Variants in NLRP7 observed in about 807,000 individuals in gnomAD.
NLRP7 encodes NLR family pyrin domain containing 7.
In NLRP7, 72 loss-of-function variants were observed where a neutral mutation model predicts 85.5. The ratio of observed to expected loss-of-function variants is 0.84; its 90% CI spans 0.70 to 1.02. NLRP7 has a LOEUF of 1.02. Among genes scored for constraint, NLRP7 ranks in the 50% least tolerant of loss-of-function variants. NLRP7 has a pLI of 0.00. For synonymous variants in NLRP7, 550 were observed against 505.2 expected (o/e 1.09, Z -1.19); for missense variants, 1,243 against 1,219.5 (o/e 1.02, Z -0.29).
chr19:54,953,773 C>A (rs1427673924), intron 1 of NLRP7, among the ~76,000 whole-genome samples: 1 of 151,662 alleles, frequency 6.6e-6, no homozygotes, highest in Middle Eastern at 3.4e-3. Flanking sequence ...GGGGCTGAGG[C>A]GGGTGGATCA....
At chr19:54,948,553 AAAAT>A (rs2069568146), upstream of NLRP7, among the ~76,000 whole-genome samples, 1 of 152,106 alleles carries the variant, frequency 6.6e-6, no homozygotes, top group Non-Finnish European at 1.5e-5. Context: ...CAGTCTCAAA[AAAAT>A]AAATAGATAA....
At chr19:54,947,713 C>T (rs974950416), upstream of NLRP7, 66 of 1,174,808 alleles carry the variant, frequency 5.6e-5, no homozygotes, top group East Asian at 2.9e-4. Context: ...TGGAGAATTA[C>T]GGCTTGCTGA....
upstream of NLRP7, chr19:54,947,692 T>A (rs1216318483): frequency 1.6e-6 from 2 of 1,251,000 alleles, no homozygotes; most frequent in Admixed American, 2.3e-5. Flanking sequence ...TAATTGGGCT[T>A]CAGTGGGCTT....
At chr19:54,923,823 C>T in exon 10 of NLRP7, 1 of 1,614,038 alleles carries the variant, frequency 6.2e-7, no homozygotes, top group South Asian at 1.1e-5. Flanking sequence ...TTTTCTTTCA[C>T]TTCCTCCAAC....
chr19:54,959,729 G>A (rs2146284497), intron 1 of NLRP7, among the ~76,000 whole-genome samples: 1 of 151,830 alleles, frequency 6.6e-6, no homozygotes, highest in African/African-American at 2.4e-5. Flanking sequence ...ATTAGTGCTT[G>A]GAAAAAAAAA....
At position 54,934,093 on chromosome 19, in the gene NLRP7, A is replaced by G. The variant is rs560074080; in HGVS notation, c.2472-354T>C. On this transcript the variant is annotated intron_variant, in intron 7 of 9. Transcript: ENST00000340844. This position sits in a 1 kb window ranked among gnomAD's most constrained non-coding sequence, Gnocchi z 6.7. ...TGAGTAGCTGGGACTACAGGCGCCC[A>G]CCACACCTGGATAATTTTTTGTATT... is the stretch of plus-strand genomic sequence containing the variant. Among the ~76,000 whole-genome samples the G allele has an allele frequency of 2.6e-5, 4 of 152,180 alleles. No individual in the cohort carries two copies. Among genetic ancestry groups the G allele is most frequent in the South Asian group, 4.2e-4 (2 of 4,810 alleles).
chr19:54,961,602 C>T (rs937412523), intron 1 of NLRP7, among the ~76,000 whole-genome samples: 2 of 151,148 alleles, frequency 1.3e-5, no homozygotes, highest in Non-Finnish European at 3.0e-5. Flanking sequence ...TTTGGGAAGC[C>T]GAGGCAGGTG....
intron 8 of NLRP7, among the ~76,000 whole-genome samples, chr19:54,933,190 G>A (rs749546898): frequency 6.6e-6 from 1 of 152,062 alleles, no homozygotes; most frequent in African/African-American, 2.4e-5. Context: ...CTGTCGCCCA[G>A]GCTGGAGTGC....
chr19:54,951,281 T>C (rs2069659755), upstream of NLRP7, among the ~76,000 whole-genome samples: 1 of 152,130 alleles, frequency 6.6e-6, no homozygotes, highest in African/African-American at 2.4e-5. Flanking sequence ...GCACAGTGGC[T>C]CAGGCCTGTA....
exon 4 of NLRP7, chr19:54,939,961 C>T (rs1466043420): frequency 6.2e-7 from 1 of 1,614,060 alleles, no homozygotes; most frequent in Admixed American, 1.7e-5. Flanking sequence ...TCCTCTTCAG[C>T]AAACTCCCCA....
chr19:54,944,830 G>A (rs1401601773), intron 1 of NLRP7, among the ~76,000 whole-genome samples: 1 of 152,090 alleles, frequency 6.6e-6, no homozygotes, highest in African/African-American at 2.4e-5. Context: ...ACAGCATGGA[G>A]CGATGTTATA....
intron 5 of NLRP7, 33 bp downstream of exon 5, chr19:54,938,011 A>G (rs1396348632): frequency 3.9e-6 from 6 of 1,536,890 alleles, no homozygotes; most frequent in Non-Finnish European, 5.4e-6. Context: ...GTCATCGTTC[A>G]GGGTCTTCCT....
chr19:54,940,253 T>C, exon 4 of NLRP7: 1 of 1,614,194 alleles, frequency 6.2e-7, no homozygotes, highest in Non-Finnish European at 8.5e-7. Context: ...CATACACTTT[T>C]TGGCCAGCGT....
intron 8 of NLRP7, among the ~76,000 whole-genome samples, chr19:54,931,805 G>T (rs1199576748): frequency 6.6e-6 from 1 of 150,738 alleles, no homozygotes; most frequent in Admixed American, 6.6e-5. Flanking sequence ...AGCCAAGATC[G>T]CACCACTGCA....
intron 9 of NLRP7, among the ~76,000 whole-genome samples, chr19:54,924,351 G>A (rs1270570996): frequency 1.3e-5 from 2 of 152,198 alleles, no homozygotes; most frequent in Non-Finnish European, 2.9e-5. Flanking sequence ...GGCCAGGCAC[G>A]GTGTCTCGCA....
intron 9 of NLRP7, among the ~76,000 whole-genome samples, chr19:54,926,043 CA>C (rs1569538850): frequency 6.9e-6 from 1 of 145,956 alleles, no homozygotes; most frequent in African/African-American, 2.5e-5. Context: ...GACTCCGTCT[CA>C]AAAAAAAGAC....
Position 54,942,044 on chromosome 19 carries a change from G to A in NLRP7, c.-39-294C>T, listed in dbSNP as rs1230193228. 2.0e-5 allele frequency among the ~76,000 whole-genome samples: 3 copies of A among 151,928 alleles called. No homozygotes were observed. The East Asian group carries it at 5.9e-4, about 30-fold the overall frequency. On this transcript the variant is annotated intron_variant, in intron 1 of 9. Transcript: ENST00000340844. ...CGAGGCGGATGGATCACGATATCAG[G>A]AGATCGAGACCATCCTGGCTAACAC...
At chr19:54,938,326 A>C in intron 4 of NLRP7, 85 bp from the exon 5 acceptor site, 1 of 1,077,320 alleles carries the variant, frequency 9.3e-7, no homozygotes, top group Admixed American at 1.8e-5. Flanking sequence ...AATGGCAAAA[A>C]CCACAATTAC....
intron 5 of NLRP7, among the ~76,000 whole-genome samples, chr19:54,937,267 G>A (rs372853281): frequency 6.6e-6 from 1 of 151,550 alleles, no homozygotes; most frequent in Non-Finnish European, 1.5e-5. Flanking sequence ...ACAACTAAGG[G>A]GTACTAGGCT....
Sources: gnomAD v4.1 joint callset for allele counts (sites outside exome capture counted in the v4.1 genomes callset) on GRCh38, gnomAD v4.1.1 for gene constraint, Gnocchi (gnomAD v3.1) non-coding constraint, MANE v1.5 for transcripts, NCBI Gene and HGNC (gene_info 2026-07-23, HGNC 2026-07-21) for gene names.